Variants in ZNF418 observed in about 807,000 individuals in gnomAD.
ZNF418 encodes zinc finger protein 418.
Under a neutral mutation model 32.0 loss-of-function variants are expected in ZNF418, and 32 were observed. The ratio of observed to expected loss-of-function variants is 1.00; its 90% CI spans 0.75 to 1.34. The LOEUF (loss-of-function observed/expected upper bound fraction) is 1.34. Among genes scored for constraint, ZNF418 ranks in the 40% most tolerant of loss-of-function variants. The probability of loss-of-function intolerance (pLI) is 0.00; values close to 1 mark genes in which losing one functional copy is unlikely to be tolerated. For synonymous variants in ZNF418, 276 were observed against 270.7 expected (o/e 1.02, Z -0.19); for missense variants, 804 against 812.5 (o/e 0.99, Z 0.13).
At chr19:57,935,125 G>A (rs2072644029) in intron 1 of ZNF418, 36 bp downstream of exon 1, 2 of 1,303,480 alleles carry the variant, frequency 1.5e-6, no homozygotes, top group South Asian at 1.5e-5. Flanking sequence ...TTCGGGTTAG[G>A]ATGAGGTGAC....
Position 57,935,142 on chromosome 19 carries a change from G to A in ZNF418, c.-81+19C>T. On this transcript the variant is annotated intron_variant, in intron 1 of 5. Transcript: ENST00000396147. ...CGGGTTAGGATGAGGTGACCTGAGGGCAGGGAAGGCACAATTACCTGAGCC... is the reference window on the plus strand; with the variant it reads ...CGGGTTAGGATGAGGTGACCTGAGGACAGGGAAGGCACAATTACCTGAGCC... The A allele has an allele frequency of 3.8e-6, 5 of 1,313,018 alleles. No homozygotes were observed. Among genetic ancestry groups the A allele is most frequent in the Non-Finnish European group, 4.9e-6 (5 of 1,012,852 alleles). The allele number at this position is 1,313,018 out of a possible 1,614,324, so 81.3% of individuals were successfully genotyped here.
chr19:57,930,944 T>C (rs1190501800), intron 2 of ZNF418, among the ~76,000 whole-genome samples: 1 of 151,886 alleles, frequency 6.6e-6, no homozygotes, highest in Non-Finnish European at 1.5e-5. Context: ...TTCTGGCTCA[T>C]TTTTGTATTT....
At chr19:57,930,856 C>A (rs1415010904) in intron 2 of ZNF418, among the ~76,000 whole-genome samples, 2 of 152,210 alleles carry the variant, frequency 1.3e-5, no homozygotes, top group Admixed American at 6.5e-5. Flanking sequence ...CAGCTCACTG[C>A]AACCTCTGCC....
rs79462828 is a variant in ZNF418, at chr19:57,922,072, G to A, written c.*1183C>T. Reference sequence around the variant, plus strand: ...AGGCCAGGGGTTCAGAAACCTCCAGGTTGGCCACTCCTGGATTTCTTCGTT... The same window carrying A: ...AGGCCAGGGGTTCAGAAACCTCCAGATTGGCCACTCCTGGATTTCTTCGTT... On this transcript the variant is annotated 3_prime_UTR_variant, in exon 6 of 6. Transcript: ENST00000396147. 2,708 of 152,512 alleles carry A rather than the reference G, an allele frequency of 0.018. 42 individuals carry two copies. Among genetic ancestry groups the A allele is most frequent in the Non-Finnish European group, 0.029 (1,974 of 68,202 alleles). The allele number at this position is 152,512 out of a possible 1,614,324, so 9.4% of individuals were successfully genotyped here. A position where few individuals can be genotyped will look rare whatever the true frequency, so the allele number is the denominator to read the frequency against.
At position 57,926,154 on chromosome 19, in the gene ZNF418, T is replaced by C. The variant is rs761427878; in HGVS notation, c.2027A>G (p.Lys676Arg). ...QRVHTERSPY[K>R] is the part of the protein sequence containing the mutation. ...AAGAATTTCCCAAATTTCTTTTCAC[T>C]TGTAAGGACTTCTTTCTGTGTGAAC... The change falls in exon 4 of 6, where the codon AAG (lysine) becomes AGG (arginine). Residue 676 changes from lysine (K) to arginine (R), a missense_variant. Lys to Arg is a conservative substitution (Grantham distance 26, BLOSUM62 2). This residue lies in a region of ZNF418 where 475 missense variants were observed against 458.6 expected (regional missense o/e 1.04). Transcript: ENST00000396147. 2 of 1,606,384 alleles carry C rather than the reference T, an allele frequency of 1.2e-6. No individual in the cohort carries two copies. The highest frequency in any genetic ancestry group is 1.7e-6 in the Non-Finnish European group (2 of 1,175,752).
At chr19:57,932,532 A>G in intron 2 of ZNF418, 1 of 1,535,160 alleles carries the variant, frequency 6.5e-7, no homozygotes, top group Non-Finnish European at 8.7e-7. Context: ...GGGGCTTTAG[A>G]TATCCATGGC....
intron 2 of ZNF418, 29 bp from the exon 3 acceptor site, chr19:57,930,583 A>G (rs1282393106): frequency 6.2e-7 from 1 of 1,613,492 alleles, no homozygotes; most frequent in Admixed American, 1.7e-5. Flanking sequence ...ATGAAACCAC[A>G]AACAGCTCCT....
rs185671029 is a variant in ZNF418 at position 57,926,762 on chromosome 19, C to G, written c.1419G>C (p.Gln473His). ...ATGGCCTTTCTCCAGTGTGAACTCT[C>G]TGGTGTTCAATGAGGTGGGACTTGC... Reference protein sequence around the residue: ...FRGKSHLIEHQRVHTGERPYE... With the variant: ...FRGKSHLIEHHRVHTGERPYE... Residue 473 changes from glutamine (Q) to histidine (H), a missense_variant, in exon 4 of 6, where the codon CAG becomes CAC. This residue lies in a region of ZNF418 where 475 missense variants were observed against 458.6 expected (regional missense o/e 1.04). Transcript: ENST00000396147. 6.2e-7 allele frequency: 1 copy of G among 1,614,054 alleles called. No homozygotes were observed. Among genetic ancestry groups the G allele is most frequent in the East Asian group, 2.2e-5 (1 of 44,858 alleles).
intron 1 of ZNF418, 23 bp downstream of exon 1, chr19:57,935,138 G>A: frequency 1.5e-6 from 2 of 1,308,900 alleles, no homozygotes; most frequent in Non-Finnish European, 2.0e-6. Context: ...GAGGTGACCT[G>A]AGGGCAGGGA....
rs1327128413 is a variant in ZNF418, at chr19:57,927,647, C to T, written c.534G>A (p.Glu178=). 6.2e-7 allele frequency: 1 copy of T among 1,614,020 alleles called. No individual in the cohort carries two copies. The highest frequency in any genetic ancestry group is 8.5e-7 in the Non-Finnish European group (1 of 1,179,910). The change falls in exon 4 of 6, where the codon GAG becomes GAA. Residue 178 remains glutamate, a synonymous_variant. Transcript: ENST00000396147. ...TTGACTTCTCCCCAGTGTGAGTGGC[C>T]TCCTGCAGCAGTAATCCTGAGCTGG... ...FLPSSGLLLQ[E]ATHTGEKSNS... is the part of the protein sequence containing the mutation.
Position 57,926,701 on chromosome 19 carries a change from T to C in ZNF418, c.1480A>G (p.Ser494Gly). ...CNECGKSFQD[S>G]SGFRVHQRVH... Reference sequence around the variant, plus strand: ...CTCTGATGAACACGAAACCCAGAGCTGTCTTGAAATGATTTCCCACATTCA... The same window carrying C: ...CTCTGATGAACACGAAACCCAGAGCCGTCTTGAAATGATTTCCCACATTCA... The change falls in exon 4 of 6, where the codon AGC becomes GGC. Residue 494 changes from serine to glycine, a missense_variant. Ser to Gly is a moderately conservative substitution (Grantham distance 56). This residue lies in a region of ZNF418 where 475 missense variants were observed against 458.6 expected (regional missense o/e 1.04). Transcript: ENST00000396147. 6.2e-7 allele frequency: 1 copy of C among 1,614,144 alleles called. No individual in the cohort carries two copies. Among genetic ancestry groups the C allele is most frequent in the Non-Finnish European group, 8.5e-7 (1 of 1,180,040 alleles).
In ZNF418 at chr19:57,926,145, T is replaced by G. The variant is rs1246163505; in HGVS notation, c.*5A>C. 2 of 1,599,492 alleles carry G rather than the reference T, an allele frequency of 1.3e-6. No individual in the cohort carries two copies. The highest frequency in any genetic ancestry group is 1.7e-6 in the Non-Finnish European group (2 of 1,172,396). ...GTTTAGCTAAAGAATTTCCCAAATT[T>G]CTTTTCACTTGTAAGGACTTCTTTC... On this transcript the variant is annotated 3_prime_UTR_variant, in exon 4 of 6. Transcript: ENST00000396147.
chr19:57,927,723 T>G lies in ZNF418; in HGVS notation c.458A>C (p.His153Pro), dbSNP rs571896908. The change falls in exon 4 of 6, where the codon CAT (histidine) becomes CCT (proline). Residue 153 changes from histidine to proline, a missense_variant. By Grantham distance (77) the His-to-Pro change is moderately conservative (BLOSUM62 -2). Coordinates refer to ENST00000396147, the MANE Select transcript of ZNF418 (RefSeq NM_133460.3). ...EALFVKRCKFHVSEESSIFIQ... is the reference protein window; with the variant it reads ...EALFVKRCKFPVSEESSIFIQ... ...GAAGATAGATGACTCCTCTGACACA[T>G]GGAACTTACACCTCTTCACAAACAA... The G allele has an allele frequency of 1.9e-6, 3 of 1,614,128 alleles. No homozygotes were observed. Among genetic ancestry groups the G allele is most frequent in the Non-Finnish European group, 2.5e-6 (3 of 1,180,052 alleles).
Position 57,930,471 on chromosome 19 carries a change from G to A in ZNF418, c.90C>T (p.Tyr30=). 1.9e-6 allele frequency: 3 copies of A among 1,614,148 alleles called. No homozygotes were observed. The highest frequency in any genetic ancestry group is 2.5e-6 in the Non-Finnish European group (3 of 1,180,032). The change falls in exon 3 of 6, where the codon TAC becomes TAT. Residue 30 remains tyrosine (Y), a synonymous_variant. Coordinates refer to ENST00000396147, the MANE Select transcript of ZNF418 (RefSeq NM_133460.3). ...SLLSEVQRCL[Y]HDVMLENWVL... is the part of the protein sequence containing the mutation. The stretch of plus-strand genomic sequence containing the variant: ...CCCAGTTCTCCAGCATCACGTCATG[G>A]TAAAGGCATCTCTGAACCTCACTAA...
At position 57,927,088 on chromosome 19, in the gene ZNF418, T is replaced by C. The variant is rs148982417; in HGVS notation, c.1093A>G (p.Thr365Ala). ...TCACACTCATAAGGTCTTTCACTAGTGTGACCTCGTTGATGTTGAATGAGA... is the reference window on the plus strand; with the variant it reads ...TCACACTCATAAGGTCTTTCACTAGCGTGACCTCGTTGATGTTGAATGAGA... Reference protein sequence around the residue: ...GNLIQHQRGHTSERPYECEEC... With the variant: ...GNLIQHQRGHASERPYECEEC... The change falls in exon 4 of 6, where the codon ACT becomes GCT. Residue 365 changes from threonine to alanine, a missense_variant. Coordinates refer to ENST00000396147, the MANE Select transcript of ZNF418 (RefSeq NM_133460.3). The C allele has an allele frequency of 4.3e-6, 7 of 1,614,202 alleles. No individual in the cohort carries two copies. The African/African-American group carries it at 9.3e-5, about 22-fold the overall frequency.
chr19:57,927,983 C>T lies in ZNF418; in HGVS notation c.198G>A (p.Val66=). The T allele has an allele frequency of 6.9e-6, 11 of 1,603,060 alleles. No individual in the cohort carries two copies. Among genetic ancestry groups the T allele is most frequent in the Non-Finnish European group, 9.4e-6 (11 of 1,173,064 alleles). Residue 66 remains valine, a synonymous_variant, in exon 4 of 6, where the codon GTG becomes GTA. Coordinates refer to ENST00000396147, the MANE Select transcript of ZNF418 (RefSeq NM_133460.3). ...PSKKSISIQR[V]SQVSTPGAGV... is the part of the protein sequence containing the mutation. ...CTGCCCCAGGAGTGCTGACCTGAGA[C>T]ACTCTTTGTATAGAAATGCTCTTCT...
In ZNF418 at chr19:57,933,716, C is replaced by T. The variant is rs117883113; in HGVS notation, c.6+101G>A. On this transcript the variant is annotated intron_variant, in intron 2 of 5. Coordinates refer to ENST00000396147, the MANE Select transcript of ZNF418 (RefSeq NM_133460.3). ...AGCCTGGGCGATAGAGCGAGACTCC[C>T]GCTCAAAAAAAAAAGGAAAATCTAG... The T allele has an allele frequency of 1.2e-4, 179 of 1,474,982 alleles. 1 individual carries two copies. In the East Asian group the frequency reaches 2.4e-3, roughly 20 times the overall value. 91.4% of individuals were successfully genotyped at this position (1,474,982 alleles called of 1,614,324 possible). A position where few individuals can be genotyped will look rare whatever the true frequency, so the allele number is the denominator to read the frequency against.
chr19:57,933,971 C>T (rs1179905314), intron 1 of ZNF418, 69 bp from the exon 2 acceptor site: 10 of 1,587,768 alleles, frequency 6.3e-6, no homozygotes, highest in Non-Finnish European at 8.5e-6. Context: ...CGAATTTTTA[C>T]CTCTAAGCAT....
Position 57,933,786 on chromosome 19 carries a change from T to C in ZNF418, c.6+31A>G, listed in dbSNP as rs112540410. ...GAATCTTGAATCCAGCCACAGCTCC[T>C]TACTCATTAATATGGTCCAGTAACC... On this transcript the variant is annotated intron_variant, in intron 2 of 5. Transcript: ENST00000396147. 2.2e-3 allele frequency: 3,519 copies of C among 1,613,486 alleles called. 72 individuals are homozygous for C. In the African/African-American group the frequency reaches 0.041, roughly 19 times the overall value.
Sources: allele counts gnomAD v4.1 joint callset (sites outside exome capture counted in the v4.1 genomes callset), GRCh38; gene constraint gnomAD v4.1.1; regional missense constraint gnomAD v4.1.1; transcripts MANE v1.5; gene names NCBI Gene and HGNC (gene_info 2026-07-23, HGNC 2026-07-21).